Variants in RFFL observed in about 807,000 individuals in gnomAD.
The protein encoded by RFFL is E3 ubiquitin-protein ligase rififylin.
A neutral mutation model predicts 40.4 loss-of-function variants in RFFL; 16 were observed. The observed-to-expected ratio is 0.40, with a 90% confidence interval of 0.27 to 0.60. The LOEUF (loss-of-function observed/expected upper bound fraction) is 0.60, where lower values mean the gene tolerates loss of function less well. Among genes scored for constraint, RFFL ranks in the 20% least tolerant of loss-of-function variants. The pLI, the probability that RFFL is intolerant of heterozygous loss-of-function variation, is 0.47. For missense variants in RFFL, 367 were observed against 451.7 expected, an observed-to-expected ratio of 0.81 and a Z score of 1.70; for synonymous variants, 154 against 167.9, an observed-to-expected ratio of 0.92 and a Z score of 0.64.
At chr17:35,046,425 A>T (rs376878453) in intron 1 of RFFL, among the ~76,000 whole-genome samples, 5 of 152,192 alleles carry the variant, frequency 3.3e-5, no homozygotes, top group African/African-American at 1.2e-4. Context: ...TCTACCAGAC[A>T]CACCCAGGTC....
intron 1 of RFFL, among the ~76,000 whole-genome samples, chr17:35,070,631 T>C (rs1030935107): frequency 1.3e-5 from 2 of 152,172 alleles, no homozygotes; most frequent in African/African-American, 4.8e-5. Flanking sequence ...TTTGAAATTG[T>C]ATTATTTGTC....
At chr17:35,024,101 G>C (rs1316485916) in intron 2 of RFFL, among the ~76,000 whole-genome samples, 1 of 152,184 alleles carries the variant, frequency 6.6e-6, no homozygotes, top group African/African-American at 2.4e-5. Flanking sequence ...GAAATGCCCA[G>C]GGTGTACTGA....
chr17:35,051,162 A>C (rs1355725696), intron 1 of RFFL, among the ~76,000 whole-genome samples: 1 of 152,236 alleles, frequency 6.6e-6, no homozygotes, highest in Non-Finnish European at 1.5e-5. Context: ...ATAAACAACC[A>C]TGCCCAGGAA....
chr17:35,061,321 A>G (rs1377106612), intron 1 of RFFL, among the ~76,000 whole-genome samples: 1 of 152,258 alleles, frequency 6.6e-6, no homozygotes, highest in African/African-American at 2.4e-5. Context: ...TCAAATTCCT[A>G]GAGGCAATGC....
intron 1 of RFFL, among the ~76,000 whole-genome samples, chr17:35,051,773 G>A (rs190355515): frequency 6.6e-6 from 1 of 152,308 alleles, no homozygotes; most frequent in Non-Finnish European, 1.5e-5. Flanking sequence ...TCCCAGAAGG[G>A]AGTGACTGAG....
At chr17:35,044,579 A>C (rs1020412140) in intron 1 of RFFL, among the ~76,000 whole-genome samples, 3 of 152,194 alleles carry the variant, frequency 2.0e-5, no homozygotes, top group Non-Finnish European at 4.4e-5. Flanking sequence ...GCACCACTGC[A>C]GTCCAGCCTG....
At chr17:35,059,601 T>G (rs1396593741) in intron 1 of RFFL, among the ~76,000 whole-genome samples, 2 of 152,186 alleles carry the variant, frequency 1.3e-5, no homozygotes, top group African/African-American at 2.4e-5. Context: ...AATTCAACAC[T>G]CTCTTGGGCA....
intron 1 of RFFL, among the ~76,000 whole-genome samples, chr17:35,061,827 C>G (rs778185605): frequency 9.7e-4 from 148 of 151,930 alleles, no homozygotes; most frequent in Middle Eastern, 3.4e-3. Flanking sequence ...ATTATAGGCA[C>G]GTGCCACCAC....
At chr17:35,064,763 G>A (rs910465470), upstream of RFFL, among the ~76,000 whole-genome samples, 16 of 152,178 alleles carry the variant, frequency 1.1e-4, no homozygotes, top group African/African-American at 3.6e-4. Flanking sequence ...AACTCTGGAT[G>A]TAGCTGCCAA....
In RFFL at chr17:35,021,589, C is replaced by G; in HGVS notation, c.373G>C (p.Glu125Gln). ...LHDISTEMCR[E>Q]KEELVLLVLG... ...ACCAAGAGCACCAGCTCTTCTTTCT[C>G]CCGGCACATTTCGGTAGAGATGTCA... is the stretch of plus-strand genomic sequence containing the variant. The change falls in exon 3 of 7, where the codon GAG becomes CAG. Residue 125 changes from glutamate (E) to glutamine (Q), a missense_variant. Coordinates refer to ENST00000394597, the MANE Select transcript of RFFL (RefSeq NM_001017368.2). 2 of 1,614,226 alleles carry G rather than the reference C, an allele frequency of 1.2e-6. No individual in the cohort carries two copies.
chr17:35,029,291 A>C (rs1361568072), intron 1 of RFFL, among the ~76,000 whole-genome samples: 2 of 151,782 alleles, frequency 1.3e-5, no homozygotes, highest in Non-Finnish European at 2.9e-5. Context: ...TTTGCTGCCA[A>C]GAGAAATGGG....
chr17:35,012,840 A>G (rs539767741), intron 6 of RFFL, among the ~76,000 whole-genome samples: 1 of 152,358 alleles, frequency 6.6e-6, no homozygotes, highest in East Asian at 1.9e-4. Flanking sequence ...CTCCCAGAGT[A>G]GACTATGAGC....
chr17:35,065,802 A>C (rs980413082), upstream of RFFL, among the ~76,000 whole-genome samples: 1 of 152,166 alleles, frequency 6.6e-6, no homozygotes, highest in African/African-American at 2.4e-5. Context: ...CTTCCTTTTA[A>C]AGTGGAAAGG....
At chr17:35,074,286 C>T (rs969685026) in intron 1 of RFFL, 4 of 152,140 alleles carry the variant, frequency 2.6e-5, no homozygotes, top group Non-Finnish European at 4.4e-5. Flanking sequence ...GTAAGAAAAA[C>T]TATTTGCGGT....
chr17:35,041,845 C>T (rs1223064628), intron 1 of RFFL, among the ~76,000 whole-genome samples: 9 of 151,940 alleles, frequency 5.9e-5, no homozygotes, highest in African/African-American at 9.7e-5. Flanking sequence ...GGTGAAACCC[C>T]GTCTCTACTA....
intron 2 of RFFL, among the ~76,000 whole-genome samples, chr17:35,021,999 T>C (rs1157817355): frequency 6.6e-6 from 1 of 152,266 alleles, no homozygotes; most frequent in Non-Finnish European, 1.5e-5. Context: ...TGTATATCCA[T>C]GTACAGGACA....
intron 2 of RFFL, chr17:35,025,034 G>C (rs1433492300): frequency 6.6e-6 from 1 of 152,112 alleles, no homozygotes; most frequent in Non-Finnish European, 1.5e-5. Flanking sequence ...ACATCGTATG[G>C]TGTGCACTGT....
chr17:35,071,620 C>A (rs34101246), intron 1 of RFFL, among the ~76,000 whole-genome samples: 14,751 of 132,880 alleles, frequency 0.11, 2,154 homozygotes, highest in African/African-American at 0.34. Context: ...AGACACTGTC[C>A]AAAAAAAAAA....
At chr17:35,069,500 CAGA>C in intron 1 of RFFL, 1 of 359,352 alleles carries the variant, frequency 2.8e-6, no homozygotes, top group South Asian at 2.1e-5. Flanking sequence ...GGAGAGAAGG[CAGA>C]AGGAGAGATT....
Sources: gnomAD v4.1 joint callset for allele counts (sites outside exome capture counted in the v4.1 genomes callset) on GRCh38, gnomAD v4.1.1 for gene constraint, MANE v1.5 for transcripts, NCBI Gene and HGNC (gene_info 2026-07-23, HGNC 2026-07-21) for gene names.